The following GRM1 variants were observed in gnomAD, a reference collection of about 807,000 sequenced individuals.
GRM1 encodes the protein glutamate metabotropic receptor 1, also known as metabotropic glutamate receptor 1.
Under a neutral mutation model 90.9 loss-of-function variants are expected in GRM1, and 33 were observed. That is an observed-to-expected ratio of 0.36 (90% CI 0.28 to 0.49). The LOEUF (loss-of-function observed/expected upper bound fraction) is 0.49, where lower values mean the gene tolerates loss of function less well. Ranked by LOEUF, GRM1 falls within the 20% of genes least tolerant of loss-of-function variation. The pLI, the probability that GRM1 is intolerant of heterozygous loss-of-function variation, is 0.99. For synonymous variants in GRM1, 700 were observed against 613.2 expected (o/e 1.14, Z -2.09); for missense variants, 1,190 against 1,534.3 (o/e 0.78, Z 3.75).
At chr6:146,059,755 G>A (rs1419165090) in intron 1 of GRM1, among the ~76,000 whole-genome samples, 1 of 152,132 alleles carries the variant, frequency 6.6e-6, no homozygotes, top group East Asian at 1.9e-4. Flanking sequence ...ATCAGCACTT[G>A]CTTCTTCATC....
chr6:146,045,809 C>G (rs936064769), intron 1 of GRM1, among the ~76,000 whole-genome samples: 1 of 146,242 alleles, frequency 6.8e-6, no homozygotes, highest in African/African-American at 2.5e-5. Flanking sequence ...TGGGTAGACT[C>G]TACTTATTAT....
At chr6:146,256,972 T>C (rs1487280003) in intron 2 of GRM1, among the ~76,000 whole-genome samples, 1 of 152,212 alleles carries the variant, frequency 6.6e-6, no homozygotes, top group Non-Finnish European at 1.5e-5. Flanking sequence ...CTAGATGTTT[T>C]CCTGAACAGC....
intron 2 of GRM1, among the ~76,000 whole-genome samples, chr6:146,289,037 A>G (rs2114877969): frequency 6.6e-6 from 1 of 152,318 alleles, no homozygotes; most frequent in Middle Eastern, 3.4e-3. Context: ...GATATTGATA[A>G]TAAATGACTG....
chr6:146,085,481 G>C (rs1776510721), intron 1 of GRM1, among the ~76,000 whole-genome samples: 1 of 152,078 alleles, frequency 6.6e-6, no homozygotes, highest in Admixed American at 6.6e-5. Context: ...GCTGTTTTTA[G>C]ATCACTCGTA....
chr6:146,419,968 G>A (rs1777930333), intron 7 of GRM1, among the ~76,000 whole-genome samples: 1 of 152,036 alleles, frequency 6.6e-6, no homozygotes. Context: ...GGAAGGACCA[G>A]AGGAAACAGG....
intron 5 of GRM1, among the ~76,000 whole-genome samples, chr6:146,364,536 G>A (rs141854178): frequency 6.6e-6 from 1 of 152,090 alleles, no homozygotes; most frequent in Non-Finnish European, 1.5e-5. Flanking sequence ...CTACTAACGT[G>A]GATTATCTTT....
intron 2 of GRM1, among the ~76,000 whole-genome samples, chr6:146,235,027 C>A (rs899298430): frequency 6.6e-6 from 1 of 152,178 alleles, no homozygotes; most frequent in Non-Finnish European, 1.5e-5. Flanking sequence ...TGAGCCACTG[C>A]CCCTGGCCAT....
intron 3 of GRM1, 138 bp from the exon 4 acceptor site, chr6:146,352,112 C>A: frequency 3.8e-6 from 3 of 792,834 alleles, no homozygotes; most frequent in Non-Finnish European, 2.2e-6. Flanking sequence ...ACAAAGCTTG[C>A]ACAGGTGGGC....
intron 2 of GRM1, among the ~76,000 whole-genome samples, chr6:146,302,634 AC>A (rs1483116241): frequency 6.6e-6 from 1 of 150,916 alleles, no homozygotes; most frequent in East Asian, 1.9e-4. Flanking sequence ...CAAGCAATCT[AC>A]CTCCCTTGGC....
Position 146,159,443 on chromosome 6 carries a change from G to A in GRM1, c.796G>A (p.Gly266Arg). 6.2e-7 allele frequency: 1 copy of A among 1,614,208 alleles called. No individual in the cohort carries two copies. Among genetic ancestry groups the A allele is most frequent in the Non-Finnish European group, 8.5e-7 (1 of 1,180,034 alleles). ...AHSDKIYSNAGEKSFDRLLRK... is the reference protein window; with the variant it reads ...AHSDKIYSNAREKSFDRLLRK... Reference sequence around the variant, plus strand: ...TTCTGACAAAATCTACAGCAACGCTGGGGAGAAGAGCTTTGACCGACTCTT... The same window carrying A: ...TTCTGACAAAATCTACAGCAACGCTAGGGAGAAGAGCTTTGACCGACTCTT... The change falls in exon 2 of 8, where the codon GGG (glycine) becomes AGG (arginine). Residue 266 changes from glycine to arginine, a missense_variant. Gly to Arg is a moderately radical substitution (Grantham distance 125). Coordinates refer to ENST00000282753, the MANE Select transcript of GRM1 (RefSeq NM_001278064.2).
chr6:146,186,144 TTATTA>T (rs1267342967), intron 2 of GRM1, among the ~76,000 whole-genome samples: 1 of 150,152 alleles, frequency 6.7e-6, no homozygotes, highest in Non-Finnish European at 1.5e-5. Context: ...TTTATTATTA[TTATTA>T]TGTTTTTTAG....
chr6:146,372,672 G>A lies in GRM1; in HGVS notation c.1603-14218G>A, dbSNP rs140886251. 8.7e-3 allele frequency among the ~76,000 whole-genome samples: 1,316 copies of A among 152,112 alleles called. 8 individuals are homozygous for A. Among genetic ancestry groups the A allele is most frequent in the Non-Finnish European group, 0.014 (938 of 67,952 alleles). On this transcript the variant is annotated intron_variant, in intron 5 of 7. Coordinates refer to ENST00000282753, the MANE Select transcript of GRM1 (RefSeq NM_001278064.2). ...GGTAGGGGTCTAGTTTCATTCTTCTGCATAGGAAAATCCAGTTTCCCCAGC... is the reference window on the plus strand; with the variant it reads ...GGTAGGGGTCTAGTTTCATTCTTCTACATAGGAAAATCCAGTTTCCCCAGC...
chr6:146,105,203 G>A, intron 1 of GRM1, among the ~76,000 whole-genome samples: 1 of 152,154 alleles, frequency 6.6e-6, no homozygotes, highest in East Asian at 1.9e-4. Context: ...ATGTTTGATG[G>A]TAGAAGTCTG....
chr6:146,193,184 T>A (rs1488103112), intron 2 of GRM1, among the ~76,000 whole-genome samples: 1 of 152,306 alleles, frequency 6.6e-6, no homozygotes, highest in East Asian at 1.9e-4. Context: ...GATGTGAAGA[T>A]GTTAAATAGA....
At chr6:146,378,380 G>T (rs540731095) in intron 5 of GRM1, among the ~76,000 whole-genome samples, 77 of 152,328 alleles carry the variant, frequency 5.1e-4, no homozygotes, top group African/African-American at 1.8e-3. Flanking sequence ...CAGGAGTGGG[G>T]CTGTATCTGA....
At chr6:146,225,184 T>A (rs9497493) in intron 2 of GRM1, among the ~76,000 whole-genome samples, 1 of 152,180 alleles carries the variant, frequency 6.6e-6, no homozygotes, top group African/African-American at 2.4e-5. Context: ...AGTCATCATG[T>A]GTGGGAGTGC....
intron 1 of GRM1, among the ~76,000 whole-genome samples, chr6:146,047,253 T>C (rs1436354743): frequency 6.6e-6 from 1 of 151,904 alleles, no homozygotes; most frequent in Non-Finnish European, 1.5e-5. Flanking sequence ...AAATAGGGAT[T>C]TATTTTTAAC....
At chr6:146,043,796 T>TATATATATATATATATATATAGATAG (rs1554260527) in intron 1 of GRM1, among the ~76,000 whole-genome samples, 5 of 137,938 alleles carry the variant, frequency 3.6e-5, no homozygotes, top group African/African-American at 1.3e-4. Flanking sequence ...TATATATATA[T>TATATATATATATATATATATAGATAG]ATATATATAT....
rs57974513 is a variant in GRM1 at position 146,399,751 on chromosome 6, TTCTC to T, written c.2660+72_2660+75del. On this transcript the variant is annotated intron_variant, in intron 7 of 7. Transcript: ENST00000282753. The surrounding 1 kb of genome is among the most constrained non-coding windows in gnomAD (Gnocchi z 5.4). ...CTTTTCTCTTCCTTTCTCTGTCTCT[TTCTC>T]TCTCTCTCTCTCTCTCTCTTTCTCT... 2.7e-3 allele frequency: 2,834 copies of T among 1,051,824 alleles called. 2 individuals carry two copies. The highest frequency in any genetic ancestry group is 0.012 in the South Asian group (908 of 72,758). The allele number at this position is 1,051,824 out of a possible 1,614,324, so 65.2% of individuals were successfully genotyped here.
Sources: allele counts gnomAD v4.1 joint callset (sites outside exome capture counted in the v4.1 genomes callset), GRCh38; gene constraint gnomAD v4.1.1; non-coding constraint Gnocchi (gnomAD v3.1); transcripts MANE v1.5; gene names NCBI Gene and HGNC (gene_info 2026-07-23, HGNC 2026-07-21).